Variants in STK32B observed in about 807,000 individuals in gnomAD.
STK32B encodes serine/threonine-protein kinase 32B.
In STK32B, 43 loss-of-function variants were observed where a neutral mutation model predicts 52.6. The observed-to-expected ratio is 0.82, with a 90% CI of 0.64 to 1.05. STK32B has a LOEUF of 1.05. STK32B is among the 50% of genes least tolerant of loss of function. The probability of loss-of-function intolerance (pLI) is 0.00; values close to 1 mark genes in which losing one functional copy is unlikely to be tolerated. For missense variants in STK32B, 621 were observed against 534.6 expected (o/e 1.16, Z -1.59); for synonymous variants, 238 against 204.3 (o/e 1.17, Z -1.41).
rs189546250 is a variant in STK32B at position 5,220,516 on chromosome 4, C to G, written c.260+52066C>G. Among the ~76,000 whole-genome samples the G allele has an allele frequency of 3.9e-5, 6 of 152,262 alleles. No homozygotes were observed. The East Asian group carries it at 1.2e-3, about 29-fold the overall frequency. On this transcript the variant is annotated intron_variant, in intron 3 of 11. Coordinates refer to ENST00000282908, the MANE Select transcript of STK32B (RefSeq NM_018401.3). Reference sequence around the variant, plus strand: ...GACAGGTGTCCAGGTTATAAAGAGTCAGGGAGAAGGTATTTCCTCCACAAA... The same window carrying G: ...GACAGGTGTCCAGGTTATAAAGAGTGAGGGAGAAGGTATTTCCTCCACAAA...
intron 8 of STK32B, among the ~76,000 whole-genome samples, chr4:5,457,353 C>CT (rs1438124847): frequency 6.6e-6 from 1 of 151,228 alleles, no homozygotes; most frequent in Admixed American, 6.6e-5. Flanking sequence ...GTAGCTGGGA[C>CT]TACAGGCACC....
At chr4:5,191,699 TTC>T in intron 3 of STK32B, among the ~76,000 whole-genome samples, 1 of 152,220 alleles carries the variant, frequency 6.6e-6, no homozygotes, top group Non-Finnish European at 1.5e-5. Flanking sequence ...CGCAGCCTGC[TTC>T]GTCGGCTGAG....
intron 3 of STK32B, among the ~76,000 whole-genome samples, chr4:5,276,743 A>T (rs760822033): frequency 6.6e-6 from 1 of 151,840 alleles, no homozygotes; most frequent in Non-Finnish European, 1.5e-5. Context: ...TATTACCGAG[A>T]GGGGAAATGC....
At chr4:5,100,822 CT>C (rs1366788499) in intron 1 of STK32B, among the ~76,000 whole-genome samples, 1 of 142,764 alleles carries the variant, frequency 7.0e-6, no homozygotes, top group Non-Finnish European at 1.5e-5. Context: ...TCCTTCCCTC[CT>C]TTCCTTCCTT....
At chr4:5,154,436 A>T (rs1184762135) in intron 2 of STK32B, among the ~76,000 whole-genome samples, 1 of 151,994 alleles carries the variant, frequency 6.6e-6, no homozygotes, top group East Asian at 1.9e-4. Flanking sequence ...GCTGGTCTTG[A>T]ACTCCTGACC....
chr4:5,345,342 T>A (rs1364397971), intron 4 of STK32B: 1 of 151,424 alleles, frequency 6.6e-6, no homozygotes, highest in Non-Finnish European at 1.5e-5. Context: ...TTCATGAATT[T>A]AAAGCAGATG....
chr4:5,498,677 C>T (rs559400840), intron 11 of STK32B, among the ~76,000 whole-genome samples: 76 of 152,306 alleles, frequency 5.0e-4, no homozygotes, highest in African/African-American at 1.8e-3. Flanking sequence ...CAAGGAAATA[C>T]AAGATGGGAA....
chr4:5,314,006 A>G (rs948092418), intron 3 of STK32B, among the ~76,000 whole-genome samples: 1 of 152,216 alleles, frequency 6.6e-6, no homozygotes, highest in African/African-American at 2.4e-5. Flanking sequence ...GTTGTCCTCT[A>G]AGTGATTTAA....
At chr4:5,489,051 T>A (rs1177515484) in intron 11 of STK32B, among the ~76,000 whole-genome samples, 1 of 152,128 alleles carries the variant, frequency 6.6e-6, no homozygotes, top group Non-Finnish European at 1.5e-5. Flanking sequence ...TAATTGTCTG[T>A]CATGTATCAA....
intron 6 of STK32B, among the ~76,000 whole-genome samples, chr4:5,430,571 C>G (rs955368730): frequency 6.6e-6 from 1 of 152,134 alleles, no homozygotes; most frequent in Non-Finnish European, 1.5e-5. Flanking sequence ...ATTTCTTTGT[C>G]TCTTCACAAT....
chr4:5,102,214 T>C (rs1442321567), intron 1 of STK32B, among the ~76,000 whole-genome samples: 1 of 152,178 alleles, frequency 6.6e-6, no homozygotes, highest in Non-Finnish European at 1.5e-5. Context: ...GGTAGTTGTA[T>C]CTGAGAAGTG....
At chr4:5,059,202 C>T (rs1307973462) in intron 1 of STK32B, among the ~76,000 whole-genome samples, 1 of 151,712 alleles carries the variant, frequency 6.6e-6, no homozygotes, top group Non-Finnish European at 1.5e-5. Flanking sequence ...TGCTCTTTTG[C>T]TGTCTTAAGC....
chr4:5,213,808 G>A (rs1723035448), intron 3 of STK32B, among the ~76,000 whole-genome samples: 1 of 152,100 alleles, frequency 6.6e-6, no homozygotes, highest in East Asian at 1.9e-4. Context: ...ATATCTTCTT[G>A]TAGTTTGTAG....
At chr4:5,183,652 T>A (rs142425714) in intron 3 of STK32B, among the ~76,000 whole-genome samples, 406 of 152,300 alleles carry the variant, frequency 2.7e-3, no homozygotes, top group African/African-American at 8.9e-3. Flanking sequence ...CGCCTCCTTA[T>A]TTAAGTGTAA....
intron 3 of STK32B, among the ~76,000 whole-genome samples, chr4:5,219,295 T>C (rs1235837937): frequency 6.6e-6 from 1 of 152,206 alleles, no homozygotes; most frequent in Non-Finnish European, 1.5e-5. Flanking sequence ...GGACTGGGCA[T>C]CCCTTTGGTG....
intron 4 of STK32B, among the ~76,000 whole-genome samples, chr4:5,390,926 T>C (rs1281630679): frequency 6.6e-6 from 1 of 151,680 alleles, no homozygotes; most frequent in African/African-American, 2.4e-5. Context: ...TCTGTCCTTA[T>C]GTGGCCTTCT....
chr4:5,433,061 T>G (rs977668411), intron 6 of STK32B, among the ~76,000 whole-genome samples: 7 of 152,048 alleles, frequency 4.6e-5, no homozygotes, highest in African/African-American at 1.7e-4. Context: ...CTTACAAGTC[T>G]CTCAGGGGCA....
intron 1 of STK32B, among the ~76,000 whole-genome samples, chr4:5,082,950 A>G (rs1712520186): frequency 6.6e-6 from 1 of 152,348 alleles, no homozygotes; most frequent in South Asian, 2.1e-4. Flanking sequence ...TCCACAAACA[A>G]TAGCAATTTT....
intron 3 of STK32B, among the ~76,000 whole-genome samples, chr4:5,266,156 C>T (rs1288264056): frequency 1.3e-5 from 2 of 152,186 alleles, no homozygotes; most frequent in African/African-American, 4.8e-5. Flanking sequence ...TGAATTTTAT[C>T]AGTGATTTCT....
Sources: allele counts gnomAD v4.1 joint callset (sites outside exome capture counted in the v4.1 genomes callset), GRCh38; gene constraint gnomAD v4.1.1; transcripts MANE v1.5; gene names NCBI Gene and HGNC (gene_info 2026-07-23, HGNC 2026-07-21).